Variants in UBTD1 observed in about 807,000 individuals in gnomAD.
The protein encoded by UBTD1 is ubiquitin domain containing 1, also known as ubiquitin domain-containing protein 1.
In UBTD1, 19 loss-of-function variants were observed where a neutral mutation model predicts 21.7. The observed-to-expected ratio is 0.87, with a 90% confidence interval of 0.61 to 1.28. UBTD1 has a LOEUF of 1.28. UBTD1 is among the 50% of genes most tolerant of loss of function. The pLI is 0.00. For missense variants in UBTD1, 282 were observed against 315.1 expected (o/e 0.89, Z 0.80); for synonymous variants, 116 against 135.1 (o/e 0.86, Z 0.98).
chr10:97,549,088 G>T (rs1564742504), intron 1 of UBTD1, among the ~76,000 whole-genome samples: 1 of 152,220 alleles, frequency 6.6e-6, no homozygotes, highest in Non-Finnish European at 1.5e-5. Context: ...GTGCCCCCTT[G>T]TCCGTATCTG....
At chr10:97,553,825 G>A (rs1038766527) in intron 1 of UBTD1, among the ~76,000 whole-genome samples, 2 of 152,202 alleles carry the variant, frequency 1.3e-5, no homozygotes, top group Admixed American at 1.3e-4. Context: ...CCTACCTGGA[G>A]GGTGAGGAGT....
intron 1 of UBTD1, among the ~76,000 whole-genome samples, chr10:97,536,527 A>G (rs894509289): frequency 2.6e-5 from 4 of 152,228 alleles, no homozygotes; most frequent in Admixed American, 6.5e-5. Context: ...GTGTTCAGAC[A>G]TTTATGTAGA....
At chr10:97,529,730 CCG>C (rs1444821973) in intron 1 of UBTD1, among the ~76,000 whole-genome samples, 3 of 53,018 alleles carry the variant, frequency 5.7e-5, no homozygotes, top group Non-Finnish European at 1.8e-4. Context: ...GAGAGGGAGA[CCG>C]TGGAAAGAGA....
At chr10:97,566,182 T>A (rs1385606432) in intron 1 of UBTD1, among the ~76,000 whole-genome samples, 5 of 152,166 alleles carry the variant, frequency 3.3e-5, no homozygotes, top group African/African-American at 1.2e-4. Flanking sequence ...TATTTCATAA[T>A]CTATCCAAAG....
intron 1 of UBTD1, among the ~76,000 whole-genome samples, chr10:97,550,600 C>T (rs769308334): frequency 2.0e-5 from 3 of 152,132 alleles, no homozygotes; most frequent in African/African-American, 4.8e-5. Flanking sequence ...TGCTGAGAAC[C>T]GCGCTGGGCC....
At chr10:97,513,212 T>G (rs776805713) in intron 1 of UBTD1, among the ~76,000 whole-genome samples, 6 of 152,200 alleles carry the variant, frequency 3.9e-5, no homozygotes, top group Non-Finnish European at 7.3e-5. Flanking sequence ...CCTGCCTCAT[T>G]CCTGCAAATG....
intron 1 of UBTD1, among the ~76,000 whole-genome samples, chr10:97,512,487 T>C (rs17107905): frequency 0.023 from 3,491 of 152,334 alleles, 108 homozygotes; most frequent in East Asian, 0.073. Context: ...CCATAACTTA[T>C]TGCTTGTATG....
intron 1 of UBTD1, among the ~76,000 whole-genome samples, chr10:97,533,408 C>T (rs1431257783): frequency 6.6e-6 from 1 of 152,208 alleles, no homozygotes; most frequent in Non-Finnish European, 1.5e-5. Context: ...AGACTTCTTC[C>T]CGGGGCTTTG....
intron 1 of UBTD1, among the ~76,000 whole-genome samples, chr10:97,534,368 G>A (rs2040549481): frequency 2.6e-5 from 4 of 152,202 alleles, no homozygotes; most frequent in South Asian, 2.1e-4. Context: ...CGCACAAAGC[G>A]GCTTAAATGG....
At chr10:97,510,724 A>G (rs548761004) in intron 1 of UBTD1, among the ~76,000 whole-genome samples, 2 of 152,270 alleles carry the variant, frequency 1.3e-5, no homozygotes, top group African/African-American at 4.8e-5. Flanking sequence ...GTCCTGGGTT[A>G]TCTACTGTTC....
chr10:97,543,885 G>C (rs1158492138), intron 1 of UBTD1, among the ~76,000 whole-genome samples: 5 of 152,202 alleles, frequency 3.3e-5, no homozygotes, highest in African/African-American at 1.2e-4. Flanking sequence ...GCAGGGGGCT[G>C]GTGCTCAGAT....
At chr10:97,509,719 C>T (rs369846389) in intron 1 of UBTD1, among the ~76,000 whole-genome samples, 2 of 152,088 alleles carry the variant, frequency 1.3e-5, no homozygotes, top group Admixed American at 6.5e-5. Context: ...GGCATGATCT[C>T]GGCTCACTGC....
At chr10:97,530,165 G>A (rs559147990) in intron 1 of UBTD1, among the ~76,000 whole-genome samples, 1 of 152,084 alleles carries the variant, frequency 6.6e-6, no homozygotes, top group Admixed American at 6.5e-5. Flanking sequence ...CCCAGCACGG[G>A]GCCTGGTGCA....
intron 1 of UBTD1, among the ~76,000 whole-genome samples, chr10:97,531,077 C>G (rs942373138): frequency 1.8e-4 from 27 of 151,440 alleles, no homozygotes; most frequent in African/African-American, 6.1e-4. Context: ...TTAGTAGAGA[C>G]GGGGTTTCAC....
intron 1 of UBTD1, among the ~76,000 whole-genome samples, chr10:97,562,052 G>A (rs1045059807): frequency 2.0e-5 from 3 of 152,158 alleles, no homozygotes; most frequent in Non-Finnish European, 4.4e-5. Flanking sequence ...GGGGGAGTCA[G>A]GCCTCATTAT....
chr10:97,548,955 G>A (rs1450535715), intron 1 of UBTD1, among the ~76,000 whole-genome samples: 1 of 152,178 alleles, frequency 6.6e-6, no homozygotes, highest in Non-Finnish European at 1.5e-5. Context: ...GGGCCCCCAG[G>A]CTGGACTCAC....
intron 1 of UBTD1, among the ~76,000 whole-genome samples, chr10:97,525,092 G>A (rs1382933982): frequency 6.6e-6 from 1 of 152,210 alleles, no homozygotes; most frequent in African/African-American, 2.4e-5. Flanking sequence ...TGCTAGTCAT[G>A]TGCCCACACT....
At chr10:97,567,849 G>A (rs2040725292) in intron 1 of UBTD1, 65 bp from the exon 2 acceptor site, 2 of 1,518,230 alleles carry the variant, frequency 1.3e-6, no homozygotes, top group African/African-American at 1.4e-5. Flanking sequence ...GGGAGGGGAG[G>A]GGGAGGGCAG....
chr10:97,557,597 A>G, intron 1 of UBTD1, among the ~76,000 whole-genome samples: 1 of 152,080 alleles, frequency 6.6e-6, no homozygotes, highest in Non-Finnish European at 1.5e-5. Context: ...AGAGAACCGC[A>G]TCCTATTCTA....
Sources: gnomAD v4.1 joint callset for allele counts (sites outside exome capture counted in the v4.1 genomes callset) on GRCh38, gnomAD v4.1.1 for gene constraint, MANE v1.5 for transcripts, NCBI Gene and HGNC (gene_info 2026-07-23, HGNC 2026-07-21) for gene names.